ADAMTS6: variants seen among roughly 807,000 people sequenced by gnomAD.
ADAMTS6 encodes ADAM metallopeptidase with thrombospondin type 1 motif 6.
ADAMTS6 carries 23 observed loss-of-function variants against 144.3 expected under a neutral mutation model. The observed-to-expected ratio is 0.16, with a 90% CI of 0.11 to 0.23. The LOEUF (loss-of-function observed/expected upper bound fraction) is 0.23, where lower values mean the gene tolerates loss of function less well. Among genes scored for constraint, ADAMTS6 ranks in the 10% least tolerant of loss-of-function variants. The pLI is 1.00. For synonymous variants in ADAMTS6, 444 were observed against 457.5 expected, an observed-to-expected ratio of 0.97 and a Z score of 0.38; for missense variants, 999 against 1,379.6, an observed-to-expected ratio of 0.72 and a Z score of 4.37.
At chr5:65,426,213 A>ATT (rs150746408) in intron 7 of ADAMTS6, among the ~76,000 whole-genome samples, 113 of 140,214 alleles carry the variant, frequency 8.1e-4, no homozygotes, top group African/African-American at 2.8e-3. Context: ...TGCCTGGCTA[A>ATT]TTTTTTTTTT....
intron 7 of ADAMTS6, among the ~76,000 whole-genome samples, chr5:65,396,952 G>C (rs73111141): frequency 0.02 from 3,029 of 152,250 alleles, 97 homozygotes; most frequent in African/African-American, 0.069. Context: ...ATTCACCAGT[G>C]ACTATCTGGG....
intron 7 of ADAMTS6, among the ~76,000 whole-genome samples, chr5:65,438,316 T>A (rs1461031824): frequency 6.6e-6 from 1 of 152,060 alleles, no homozygotes; most frequent in Non-Finnish European, 1.5e-5. Flanking sequence ...TCACCTGAGG[T>A]CAGGAGTTTG....
chr5:65,336,612 A>G (rs1032240632), intron 7 of ADAMTS6, among the ~76,000 whole-genome samples: 2 of 152,120 alleles, frequency 1.3e-5, no homozygotes, highest in Non-Finnish European at 2.9e-5. Context: ...ATTTTCATAT[A>G]CAAATTGAGG....
intron 7 of ADAMTS6, among the ~76,000 whole-genome samples, chr5:65,416,769 A>C (rs1580657908): frequency 3.3e-5 from 5 of 150,524 alleles, no homozygotes; most frequent in South Asian, 2.1e-4. Context: ...AAAAAAACCA[A>C]CAACAACAAC....
At chr5:65,371,693 C>T (rs1226245345) in intron 7 of ADAMTS6, among the ~76,000 whole-genome samples, 1 of 152,170 alleles carries the variant, frequency 6.6e-6, no homozygotes, top group African/African-American at 2.4e-5. Flanking sequence ...TTGGAAAACA[C>T]TCTGCAGGAT....
At chr5:65,223,622 G>A (rs559406754) in intron 18 of ADAMTS6, among the ~76,000 whole-genome samples, 3 of 152,070 alleles carry the variant, frequency 2.0e-5, no homozygotes, top group African/African-American at 7.2e-5. Flanking sequence ...CATCCATATT[G>A]TTGCAAATGA....
intron 9 of ADAMTS6, among the ~76,000 whole-genome samples, chr5:65,300,638 C>CTT (rs1340006416): frequency 1.2e-3 from 169 of 146,356 alleles, no homozygotes; most frequent in African/African-American, 4.1e-3. Flanking sequence ...CTTTTTCTTT[C>CTT]TTTTTTTTTT....
chr5:65,308,753 T>G (rs992143397), intron 9 of ADAMTS6, among the ~76,000 whole-genome samples: 2 of 152,180 alleles, frequency 1.3e-5, no homozygotes, highest in African/African-American at 2.4e-5. Flanking sequence ...AAACCCATCA[T>G]CAAGGCTGAA....
intron 7 of ADAMTS6, among the ~76,000 whole-genome samples, chr5:65,373,129 G>C (rs1309637124): frequency 6.6e-6 from 1 of 151,446 alleles, no homozygotes; most frequent in Non-Finnish European, 1.5e-5. Context: ...GAAATTTATA[G>C]CACTAAATGC....
At chr5:65,184,881 T>C (rs569406147) in intron 22 of ADAMTS6, among the ~76,000 whole-genome samples, 2 of 152,176 alleles carry the variant, frequency 1.3e-5, no homozygotes, top group East Asian at 3.9e-4. Context: ...AATTTTACAC[T>C]ACAGTAGCCG....
intron 22 of ADAMTS6, among the ~76,000 whole-genome samples, chr5:65,185,759 A>G (rs143714495): frequency 6.6e-6 from 1 of 152,350 alleles, no homozygotes; most frequent in East Asian, 1.9e-4. Flanking sequence ...AGATCAACCT[A>G]TGTGAAGTTG....
chr5:65,215,231 C>A lies in ADAMTS6; in HGVS notation c.2436+93G>T, dbSNP rs1756829561. ...TTATCTTTATTTACCTTAATTTCAT[C>A]ACCTGTAAAGCAGAGATAATAAAAC... On this transcript the variant is annotated intron_variant, in intron 19 of 24. Coordinates refer to ENST00000381055, the MANE Select transcript of ADAMTS6 (RefSeq NM_197941.4). The A allele has an allele frequency of 5.8e-6, 8 of 1,374,720 alleles. No homozygotes were observed. In the Middle Eastern group the frequency reaches 7.4e-4, roughly 128 times the overall value. The allele number at this position is 1,374,720 out of a possible 1,614,324, so 85.2% of individuals were successfully genotyped here.
intron 7 of ADAMTS6, among the ~76,000 whole-genome samples, chr5:65,383,498 A>G (rs973213186): frequency 1.3e-5 from 2 of 152,210 alleles, no homozygotes; most frequent in Admixed American, 6.5e-5. Context: ...GAATCTTAAG[A>G]CTAGAGAATA....
intron 15 of ADAMTS6, 96 bp from the exon 16 acceptor site, chr5:65,226,315 A>G (rs1757721089): frequency 7.7e-7 from 1 of 1,290,864 alleles, no homozygotes; most frequent in African/African-American, 1.5e-5. Context: ...TCACGTAGAC[A>G]TCATTCCCTG....
At chr5:65,416,404 T>C (rs1755514449) in intron 7 of ADAMTS6, among the ~76,000 whole-genome samples, 1 of 152,164 alleles carries the variant, frequency 6.6e-6, no homozygotes, top group Non-Finnish European at 1.5e-5. Context: ...AGGTTAAACA[T>C]AGAATCACCA....
intron 20 of ADAMTS6, among the ~76,000 whole-genome samples, chr5:65,203,979 T>A (rs935055200): frequency 2.6e-5 from 4 of 152,214 alleles, no homozygotes; most frequent in African/African-American, 9.6e-5. Flanking sequence ...ATCCAAACCC[T>A]GCTCGTGTTA....
At chr5:65,224,198 T>G in intron 18 of ADAMTS6, 122 bp downstream of exon 18, 1 of 766,950 alleles carries the variant, frequency 1.3e-6, no homozygotes, top group East Asian at 2.6e-5. Flanking sequence ...ACTTAGAGCT[T>G]ACTTCATTTT....
chr5:65,452,945 A>C, intron 4 of ADAMTS6, 27 bp from the exon 5 acceptor site: 1 of 1,541,838 alleles, frequency 6.5e-7, no homozygotes, highest in East Asian at 2.3e-5. Context: ...CAATTCAGAT[A>C]GGTTCACTAA....
chr5:65,397,213 C>T lies in ADAMTS6; in HGVS notation c.1073+54262G>A, dbSNP rs888091240. Among the ~76,000 whole-genome samples the T allele has an allele frequency of 5.3e-5, 8 of 152,096 alleles. No homozygotes were observed. The South Asian group carries it at 6.2e-4, about 12-fold the overall frequency. On this transcript the variant is annotated intron_variant, in intron 7 of 24. Coordinates refer to ENST00000381055, the MANE Select transcript of ADAMTS6 (RefSeq NM_197941.4). ...TTTCATTTCTAGTATTAGTAATCTG[C>T]GTCTTTTTTTTCTTAGGCTGGGTAA...
Sources: allele counts gnomAD v4.1 joint callset (sites outside exome capture counted in the v4.1 genomes callset), GRCh38; gene constraint gnomAD v4.1.1; transcripts MANE v1.5; gene names NCBI Gene and HGNC (gene_info 2026-07-23, HGNC 2026-07-21).